The following ST3GAL5 variants were observed in gnomAD, a reference collection of about 807,000 sequenced individuals.
The protein encoded by ST3GAL5 is lactosylceramide alpha-2,3-sialyltransferase.
ST3GAL5 carries 25 observed loss-of-function variants against 46.1 expected under a neutral mutation model. The ratio of observed to expected loss-of-function variants is 0.54; its 90% confidence interval spans 0.40 to 0.76. The LOEUF is 0.76. ST3GAL5 is among the 30% of genes least tolerant of loss of function. The probability of loss-of-function intolerance (pLI) is 0.00; values close to 1 mark genes in which losing one functional copy is unlikely to be tolerated. For missense variants in ST3GAL5, 431 were observed against 521.2 expected (o/e 0.83, Z 1.69); for synonymous variants, 182 against 192.7 (o/e 0.94, Z 0.46).
chr2:85,885,684 C>T (rs945422854), intron 1 of ST3GAL5, among the ~76,000 whole-genome samples: 5 of 152,114 alleles, frequency 3.3e-5, no homozygotes, highest in East Asian at 1.9e-4. Flanking sequence ...AAAAATTAGC[C>T]GGGCGAGGTG....
At chr2:85,866,189 C>G (rs1685270701) in intron 1 of ST3GAL5, 1 of 152,206 alleles carries the variant, frequency 6.6e-6, no homozygotes, top group South Asian at 2.1e-4. Context: ...CTATCTTCAC[C>G]TCAAGCAACA....
intron 6 of ST3GAL5, among the ~76,000 whole-genome samples, chr2:85,841,515 T>C (rs1200856902): frequency 2.0e-5 from 3 of 152,052 alleles, no homozygotes; most frequent in African/African-American, 7.3e-5. Context: ...TGTATTTTTT[T>C]GTAGAAATAG....
chr2:85,856,848 G>T (rs1311581120), intron 3 of ST3GAL5, among the ~76,000 whole-genome samples: 1 of 151,232 alleles, frequency 6.6e-6, no homozygotes, highest in East Asian at 2.0e-4. Flanking sequence ...TGGGATTATA[G>T]ACAGGAGCCA....
intron 6 of ST3GAL5, among the ~76,000 whole-genome samples, chr2:85,843,907 GA>G (rs1682444950): frequency 6.6e-6 from 1 of 152,182 alleles, no homozygotes; most frequent in Admixed American, 6.5e-5. Context: ...GGCATTAACT[GA>G]AAAACACTGT....
chr2:85,865,569 C>G (rs1471751040), intron 1 of ST3GAL5, among the ~76,000 whole-genome samples: 1 of 152,132 alleles, frequency 6.6e-6, no homozygotes, highest in Non-Finnish European at 1.5e-5. Context: ...TTTCAAATAC[C>G]ACAATTCTGT....
At chr2:85,855,784 A>G (rs1558667951) in intron 3 of ST3GAL5, 1 of 152,224 alleles carries the variant, frequency 6.6e-6, no homozygotes, top group East Asian at 1.9e-4. Context: ...AAAATGGGCA[A>G]AGGATCTGAA....
chr2:85,885,774 G>C lies in ST3GAL5; in HGVS notation c.82+3050C>G, dbSNP rs532528088. 2.0e-5 allele frequency among the ~76,000 whole-genome samples: 3 copies of C among 151,406 alleles called. No individual in the cohort carries two copies. The East Asian group carries it at 5.8e-4, about 29-fold the overall frequency. ...CCGGAGGCGGAGCCTGCAGTGAACTGAGATCGTGCCACTGCACTCCAGCCT... is the reference window on the plus strand; with the variant it reads ...CCGGAGGCGGAGCCTGCAGTGAACTCAGATCGTGCCACTGCACTCCAGCCT... On this transcript the variant is annotated intron_variant, in intron 1 of 6. Transcript: ENST00000638572.
intron 3 of ST3GAL5, among the ~76,000 whole-genome samples, chr2:85,857,029 G>A (rs1350960830): frequency 7.4e-6 from 1 of 134,452 alleles, no homozygotes; most frequent in African/African-American, 2.9e-5. Flanking sequence ...AGGAGTTTGC[G>A]ACTAGCCTGG....
chr2:85,844,009 A>G (rs1245515773), intron 6 of ST3GAL5, among the ~76,000 whole-genome samples: 1 of 152,246 alleles, frequency 6.6e-6, no homozygotes, highest in African/African-American at 2.4e-5. Flanking sequence ...AAATGTAAAT[A>G]TGACTTTTCT....
intron 1 of ST3GAL5, 38 bp from the exon 2 acceptor site, chr2:85,863,523 G>A (rs765205429): frequency 1.2e-6 from 2 of 1,611,150 alleles, no homozygotes; most frequent in South Asian, 2.2e-5. Context: ...GGGAAAAAGA[G>A]AGGAGAGAGT....
At chr2:85,857,065 CCAAAAAAAAAAAAAA>C (rs1558669762) in intron 3 of ST3GAL5, among the ~76,000 whole-genome samples, 4 of 61,660 alleles carry the variant, frequency 6.5e-5, no homozygotes, top group Non-Finnish European at 3.1e-5. Context: ...CCTGCCTCTA[CCAAAAAAAAAAAAAA>C]AAAAAAAAAA....
chr2:85,840,942 C>CAA (rs1272089535), intron 6 of ST3GAL5, among the ~76,000 whole-genome samples: 1,741 of 23,994 alleles, frequency 0.073, 162 homozygotes, highest in East Asian at 0.13. Context: ...GACTCTGTCT[C>CAA]AAAAAAAAAA....
chr2:85,876,799 A>C (rs1686629674), intron 1 of ST3GAL5, among the ~76,000 whole-genome samples: 1 of 152,102 alleles, frequency 6.6e-6, no homozygotes, highest in South Asian at 2.1e-4. Context: ...GACAAAACAA[A>C]TTCTGCAAGA....
intron 3 of ST3GAL5, chr2:85,858,123 T>C (rs2104030991): frequency 6.6e-6 from 1 of 152,340 alleles, no homozygotes; most frequent in Admixed American, 6.5e-5. Flanking sequence ...AGGTGTTCTT[T>C]GAGAGCCTAC....
chr2:85,883,422 G>A (rs1395246053), intron 1 of ST3GAL5, among the ~76,000 whole-genome samples: 5 of 152,204 alleles, frequency 3.3e-5, no homozygotes, highest in Non-Finnish European at 5.9e-5. Context: ...GGAACTGTAA[G>A]TCCAATTAAA....
chr2:85,839,879 C>T lies in ST3GAL5; in HGVS notation c.*265G>A, dbSNP rs910238837. 1.2e-5 allele frequency: 6 copies of T among 507,638 alleles called. No homozygotes were observed. In the Admixed American group the frequency reaches 1.3e-4, roughly 11 times the overall value. The allele number at this position is 507,638 out of a possible 1,614,324, so 31.4% of individuals were successfully genotyped here. A position where few individuals can be genotyped will look rare whatever the true frequency, so the allele number is the denominator to read the frequency against. On this transcript the variant is annotated 3_prime_UTR_variant, in exon 7 of 7. Transcript: ENST00000638572. ...ACTTTCTTAAAAATCAATACAACAT[C>T]GTTACATACAATTCTCTTTGAGAAG... is the stretch of plus-strand genomic sequence containing the variant.
rs1357642115 is a variant in ST3GAL5 at position 85,837,551 on chromosome 2, T to G, written c.*2593A>C. The G allele has an allele frequency of 2.6e-5, 4 of 152,344 alleles. No individual in the cohort carries two copies. The South Asian group carries it at 8.3e-4, about 32-fold the overall frequency. 9.4% of individuals were successfully genotyped at this position (152,344 alleles called of 1,614,324 possible). A position where few individuals can be genotyped will look rare whatever the true frequency, so the allele number is the denominator to read the frequency against. On this transcript the variant is annotated 3_prime_UTR_variant, in exon 7 of 7. Coordinates refer to ENST00000638572, the MANE Select transcript of ST3GAL5 (RefSeq NM_003896.4). ...ATGCCTATAGTTTACAATAATTTACTGTGTATTTCAAAATCACTAGAATAA... is the reference window on the plus strand; with the variant it reads ...ATGCCTATAGTTTACAATAATTTACGGTGTATTTCAAAATCACTAGAATAA...
intron 1 of ST3GAL5, chr2:85,867,964 A>C: frequency 3.0e-6 from 1 of 335,890 alleles, no homozygotes; most frequent in South Asian, 2.9e-5. Context: ...GTTTCATCAA[A>C]TCCCTCTACT....
chr2:85,878,915 G>A (rs763919943), intron 1 of ST3GAL5, among the ~76,000 whole-genome samples: 3 of 152,186 alleles, frequency 2.0e-5, no homozygotes, highest in Non-Finnish European at 4.4e-5. Flanking sequence ...AGACTCTGGA[G>A]ACAGGACAGA....
Sources: gnomAD v4.1 joint callset for allele counts (sites outside exome capture counted in the v4.1 genomes callset) on GRCh38, gnomAD v4.1.1 for gene constraint, MANE v1.5 for transcripts, NCBI Gene and HGNC (gene_info 2026-07-23, HGNC 2026-07-21) for gene names.